Variants in ACACB observed in about 807,000 individuals in gnomAD.
The protein encoded by ACACB is acetyl-CoA carboxylase 2.
In ACACB, 209 loss-of-function variants were observed where a neutral mutation model predicts 278.8. That is an observed-to-expected ratio of 0.75 (90% CI 0.67 to 0.84). ACACB has a LOEUF of 0.84. ACACB is among the 40% of genes least tolerant of loss of function. ACACB has a pLI of 0.00. For missense variants in ACACB, 2,850 were observed against 3,269.0 expected (o/e 0.87, Z 3.13); for synonymous variants, 1,174 against 1,285.6 (o/e 0.91, Z 1.86).
At chr12:109,172,397 T>G in intron 6 of ACACB, 41 bp downstream of exon 6, 1 of 1,583,812 alleles carries the variant, frequency 6.3e-7, no homozygotes, top group Non-Finnish European at 8.7e-7. Context: ...ATTGGGGTAT[T>G]GCTGGGACAC....
At chr12:109,151,274 C>T (rs986136634) in intron 2 of ACACB, among the ~76,000 whole-genome samples, 6 of 152,114 alleles carry the variant, frequency 3.9e-5, no homozygotes, top group East Asian at 1.9e-4. Flanking sequence ...TGAGCCACTG[C>T]GCCCGGCCTC....
chr12:109,232,912 A>C (rs1452351275), intron 29 of ACACB, 106 bp downstream of exon 29: 1 of 1,327,586 alleles, frequency 7.5e-7, no homozygotes, highest in Admixed American at 2.1e-5. Flanking sequence ...AGAGACCCAG[A>C]CACGTGGCAC....
In ACACB at chr12:109,179,083, G is replaced by C. The variant is rs183257437; in HGVS notation, c.1438-5G>C. 6.2e-7 allele frequency: 1 copy of C among 1,611,218 alleles called. No individual in the cohort carries two copies. The highest frequency in any genetic ancestry group is 1.3e-5 in the African/African-American group (1 of 74,824). ...AAGATCAGGCTGCTCTGCTTCCCCCGACAGGTACAGAGTGAGATCCCAGGC... is the reference window on the plus strand; with the variant it reads ...AAGATCAGGCTGCTCTGCTTCCCCCCACAGGTACAGAGTGAGATCCCAGGC... On this transcript the variant is annotated splice_region_variant and splice_polypyrimidine_tract_variant and intron_variant, in intron 9 of 52. Transcript: ENST00000338432.
At chr12:109,246,126 T>C (rs2046935059) in intron 38 of ACACB, 53 bp from the exon 39 acceptor site, 1 of 1,546,370 alleles carries the variant, frequency 6.5e-7, no homozygotes, top group Admixed American at 2.1e-5. Flanking sequence ...AAATAAAAAG[T>C]TTTCCCCCAA....
chr12:109,197,055 C>T lies in ACACB; in HGVS notation c.2529C>T (p.Cys843=). Residue 843 remains cysteine, a synonymous_variant, in exon 17 of 53, where the codon TGC becomes TGT. Transcript: ENST00000338432. The stretch of plus-strand genomic sequence containing the variant: ...TGTTCGTTCTCATCATGAATGGCTG[C>T]CACATCGAGATTGATGCCCACCGGC... ...LTMFVLIMNG[C]HIEIDAHRLN... 1 of 1,591,682 alleles carries T rather than the reference C, an allele frequency of 6.3e-7. No homozygotes were observed. Among genetic ancestry groups the T allele is most frequent in the Non-Finnish European group, 8.5e-7 (1 of 1,171,230 alleles).
intron 51 of ACACB, 37 bp from the exon 52 acceptor site, chr12:109,265,352 G>A (rs746049464): frequency 1.2e-6 from 2 of 1,611,512 alleles, no homozygotes; most frequent in Non-Finnish European, 1.7e-6. Context: ...GCCCACAGCT[G>A]GGTCCCTCTC....
Position 109,199,699 on chromosome 12 carries a change from A to G in ACACB, c.2778+147A>G, listed in dbSNP as rs192896691. ...GGAATCAGTCTGTGGATTTCAGCCAAATCCCCTGAAGTATTCAAAGAAAAA... is the reference window on the plus strand; with the variant it reads ...GGAATCAGTCTGTGGATTTCAGCCAGATCCCCTGAAGTATTCAAAGAAAAA... On this transcript the variant is annotated intron_variant, in intron 18 of 52. Coordinates refer to ENST00000338432, the MANE Select transcript of ACACB (RefSeq NM_001093.4). The G allele has an allele frequency of 2.2e-4, 202 of 911,112 alleles. 1 individual carries two copies. The African/African-American group carries it at 3.0e-3, about 14-fold the overall frequency. The allele number at this position is 911,112 out of a possible 1,614,324, so 56.4% of individuals were successfully genotyped here.
intron 1 of ACACB, among the ~76,000 whole-genome samples, chr12:109,138,727 A>G (rs1406182763): frequency 1.3e-5 from 2 of 152,184 alleles, no homozygotes; most frequent in Non-Finnish European, 1.5e-5. Context: ...ATGGTGGTGC[A>G]TGCCTGTAGC....
intron 38 of ACACB, among the ~76,000 whole-genome samples, 198 bp downstream of exon 38, chr12:109,245,946 G>C (rs1367808375): frequency 6.6e-6 from 1 of 152,038 alleles, no homozygotes; most frequent in Non-Finnish European, 1.5e-5. Flanking sequence ...AAAATTAGCT[G>C]TGTGTGGTGG....
chr12:109,162,521 C>T (rs1366351834), intron 2 of ACACB, among the ~76,000 whole-genome samples: 2 of 152,126 alleles, frequency 1.3e-5, no homozygotes, highest in Non-Finnish European at 2.9e-5. Context: ...GCGGCAGGGG[C>T]TGTCCACTTC....
rs776158563 is a variant in ACACB at position 109,179,269 on chromosome 12, C to T, written c.1619C>T (p.Pro540Leu). 11 of 1,613,612 alleles carry T rather than the reference C, an allele frequency of 6.8e-6. No individual in the cohort carries two copies. The highest frequency in any genetic ancestry group is 2.2e-5 in the East Asian group (1 of 44,884). Residue 540 changes from proline to leucine, a missense_variant, in exon 10 of 53, where the codon CCG becomes CTG. Physicochemically the swap from Pro to Leu is moderately conservative, Grantham distance 98. Transcript: ENST00000338432. ...IVEEAPATIA[P>L]LAIFEFMEQC... Reference sequence around the variant, plus strand: ...GAGGAAGCACCGGCCACCATCGCCCCGCTGGCCATATTCGAGTTCATGGAG... The same window carrying T: ...GAGGAAGCACCGGCCACCATCGCCCTGCTGGCCATATTCGAGTTCATGGAG...
At chr12:109,142,195 G>A (rs941717965) in intron 2 of ACACB, among the ~76,000 whole-genome samples, 3 of 152,140 alleles carry the variant, frequency 2.0e-5, no homozygotes, top group Non-Finnish European at 2.9e-5. Context: ...GTTATAGTGA[G>A]CTATAATTGT....
Position 109,139,959 on chromosome 12 carries a change from G to A in ACACB, c.554G>A (p.Arg185His), listed in dbSNP as rs147024369. The change falls in exon 2 of 53, where the codon CGT becomes CAT. Residue 185 changes from arginine to histidine, a missense_variant. Arg to His is a conservative substitution (Grantham distance 29, BLOSUM62 0). Around this residue, in one of 3 missense-constraint regions of ACACB, gnomAD observed 2,265 missense variants for 2,561.3 expected, o/e 0.88. Transcript: ENST00000338432. ...GAGGACTCTGTTGCTGGCTCATCTCGTGAGTCTACCCGGAAGGGCAGCCGG... is the reference window on the plus strand; with the variant it reads ...GAGGACTCTGTTGCTGGCTCATCTCATGAGTCTACCCGGAAGGGCAGCCGG... ...SDEDSVAGSSRESTRKGSRAS... is the reference protein window; with the variant it reads ...SDEDSVAGSSHESTRKGSRAS... The A allele has an allele frequency of 6.2e-5, 100 of 1,614,002 alleles. 1 individual carries two copies. In the African/African-American group the frequency reaches 6.8e-4, roughly 11 times the overall value.
At chr12:109,149,639 A>G (rs1424144629) in intron 2 of ACACB, among the ~76,000 whole-genome samples, 1 of 152,194 alleles carries the variant, frequency 6.6e-6, no homozygotes, top group Non-Finnish European at 1.5e-5. Flanking sequence ...GACCACAGAT[A>G]GTCTGGGTTC....
chr12:109,237,175 A>G lies in ACACB; in HGVS notation c.4457A>G (p.Asp1486Gly). ...CTGGTCCGCCTACAGTTTGCAGAAG[A>G]TCGCATTTACCGTCACTTGGAACCT... ...TFRARDEFAE[D>G]RIYRHLEPAL... The change falls in exon 34 of 53, where the codon GAT becomes GGT. Residue 1486 changes from aspartate to glycine, a missense_variant. By Grantham distance (94) the Asp-to-Gly change is moderately conservative. Coordinates refer to ENST00000338432, the MANE Select transcript of ACACB (RefSeq NM_001093.4). 1 of 1,614,112 alleles carries G rather than the reference A, an allele frequency of 6.2e-7. No homozygotes were observed. The highest frequency in any genetic ancestry group is 1.6e-4 in the Middle Eastern group (1 of 6,062).
intron 25 of ACACB, 80 bp from the exon 26 acceptor site, chr12:109,222,719 G>GCTGC: frequency 6.5e-7 from 1 of 1,528,038 alleles, no homozygotes; most frequent in Non-Finnish European, 9.0e-7. Context: ...GTCCCACCGT[G>GCTGC]CTGCCGGCCC....
intron 6 of ACACB, 57 bp from the exon 7 acceptor site, chr12:109,174,075 C>T: frequency 6.7e-7 from 1 of 1,493,144 alleles, no homozygotes; most frequent in East Asian, 2.4e-5. Flanking sequence ...GGCCTTCAGC[C>T]TCGAGGGTCT....
At chr12:109,178,760 G>A (rs1215992007) in intron 9 of ACACB, among the ~76,000 whole-genome samples, 1 of 152,168 alleles carries the variant, frequency 6.6e-6, no homozygotes, top group Non-Finnish European at 1.5e-5. Flanking sequence ...GCTGGTGGGA[G>A]GTTTTATAGG....
intron 22 of ACACB, 63 bp from the exon 23 acceptor site, chr12:109,216,555 A>G (rs2046004839): frequency 1.3e-6 from 2 of 1,499,242 alleles, no homozygotes; most frequent in East Asian, 4.6e-5. Flanking sequence ...AAAAAAAAAT[A>G]CTAAATATTC....
Sources: allele counts gnomAD v4.1 joint callset (sites outside exome capture counted in the v4.1 genomes callset), GRCh38; gene constraint gnomAD v4.1.1; regional missense constraint gnomAD v4.1.1; transcripts MANE v1.5; gene names NCBI Gene and HGNC (gene_info 2026-07-23, HGNC 2026-07-21).